The following XKR4 variants were observed in gnomAD, a reference collection of about 807,000 sequenced individuals.
XKR4 encodes XK related 4.
XKR4 carries 12 observed loss-of-function variants against 53.9 expected under a neutral mutation model. That is an observed-to-expected ratio of 0.22 (90% CI 0.14 to 0.36). The LOEUF is 0.36. Ranked by LOEUF, XKR4 falls within the 10% of genes least tolerant of loss-of-function variation. The pLI, the probability that XKR4 is intolerant of heterozygous loss-of-function variation, is 1.00. For synonymous variants in XKR4, 354 were observed against 362.4 expected (o/e 0.98, Z 0.26); for missense variants, 799 against 859.5 (o/e 0.93, Z 0.88).
intron 2 of XKR4, among the ~76,000 whole-genome samples, chr8:55,362,136 A>G (rs1803916834): frequency 6.6e-6 from 1 of 152,186 alleles, no homozygotes; most frequent in East Asian, 1.9e-4. Context: ...CCCATTGCAT[A>G]GGGCTTCTTA....
intron 1 of XKR4, among the ~76,000 whole-genome samples, chr8:55,257,826 G>C (rs1392840025): frequency 1.3e-5 from 2 of 152,126 alleles, no homozygotes; most frequent in Non-Finnish European, 2.9e-5. Flanking sequence ...TTTTCTATGA[G>C]CCCCTCCAAC....
intron 1 of XKR4, among the ~76,000 whole-genome samples, chr8:55,339,859 G>GT (rs747137049): frequency 1.3e-4 from 19 of 150,990 alleles, no homozygotes; most frequent in Non-Finnish European, 2.4e-4. Context: ...TTACTATTAT[G>GT]TTTTTTCCAA....
intron 2 of XKR4, among the ~76,000 whole-genome samples, chr8:55,406,226 A>G (rs1804679826): frequency 6.6e-6 from 1 of 152,188 alleles, no homozygotes; most frequent in Non-Finnish European, 1.5e-5. Flanking sequence ...GTTGATCTAT[A>G]TGGTGCAGTT....
chr8:55,418,037 T>C (rs909438604), intron 2 of XKR4, among the ~76,000 whole-genome samples: 1 of 152,064 alleles, frequency 6.6e-6, no homozygotes, highest in Non-Finnish European at 1.5e-5. Flanking sequence ...AACAACACAG[T>C]GAGGGTGGAG....
intron 2 of XKR4, among the ~76,000 whole-genome samples, chr8:55,506,226 G>A (rs1806525228): frequency 6.6e-6 from 1 of 152,254 alleles, no homozygotes; most frequent in Non-Finnish European, 1.5e-5. Context: ...GGGCATCTGG[G>A]AGGACTTAGG....
chr8:55,415,980 A>G (rs1374686246), intron 2 of XKR4, among the ~76,000 whole-genome samples: 2 of 152,174 alleles, frequency 1.3e-5, no homozygotes, highest in Non-Finnish European at 2.9e-5. Context: ...GGAACGGCAG[A>G]GTTGAAGCTA....
At chr8:55,503,828 G>A (rs1304890473) in intron 2 of XKR4, among the ~76,000 whole-genome samples, 1 of 151,976 alleles carries the variant, frequency 6.6e-6, no homozygotes, top group African/African-American at 2.4e-5. Context: ...TATTTTTTTA[G>A]CTGTGGGCTT....
Position 55,532,794 on chromosome 8 carries a change from C to T in XKR4, c.*8567C>T, listed in dbSNP as rs1198359946. 2 of 58,724 alleles carry T rather than the reference C, an allele frequency of 3.4e-5. No homozygotes were observed. Among genetic ancestry groups the T allele is most frequent in the African/African-American group, 1.0e-4 (1 of 9,938 alleles). The allele number at this position is 58,724 out of a possible 1,614,324, so 3.6% of individuals were successfully genotyped here. ...CCTGGGTGACAGAGCAAGACTCCGT[C>T]TCAAAAAAAAAAAAAAAAAAAAAAA... is the stretch of plus-strand genomic sequence containing the variant. On this transcript the variant is annotated 3_prime_UTR_variant, in exon 3 of 3. Transcript: ENST00000327381.
At chr8:55,356,343 G>T (rs1803796312) in intron 1 of XKR4, among the ~76,000 whole-genome samples, 1 of 152,158 alleles carries the variant, frequency 6.6e-6, no homozygotes, top group Admixed American at 6.5e-5. Context: ...TTACCCATTT[G>T]CAGAAAACAC....
intron 2 of XKR4, among the ~76,000 whole-genome samples, chr8:55,408,451 G>T (rs1187292126): frequency 1.3e-5 from 2 of 152,192 alleles, no homozygotes; most frequent in Non-Finnish European, 2.9e-5. Flanking sequence ...CATATCTCAA[G>T]ATGTGGCCCA....
At chr8:55,310,494 G>A (rs746939149) in intron 1 of XKR4, among the ~76,000 whole-genome samples, 35 of 152,150 alleles carry the variant, frequency 2.3e-4, no homozygotes, top group Non-Finnish European at 3.4e-4. Flanking sequence ...GTTTACTATT[G>A]TGTTTAAAAT....
At chr8:55,365,675 C>A (rs1803970160) in intron 2 of XKR4, among the ~76,000 whole-genome samples, 2 of 147,742 alleles carry the variant, frequency 1.4e-5, no homozygotes, top group Admixed American at 1.4e-4. Flanking sequence ...CCATTGCACT[C>A]CAGCCTGGGC....
chr8:55,512,600 T>A (rs1215073719), intron 2 of XKR4, among the ~76,000 whole-genome samples: 1 of 152,232 alleles, frequency 6.6e-6, no homozygotes, highest in Admixed American at 6.5e-5. Context: ...GATTTTTCAG[T>A]TCCTCTAGGG....
chr8:55,463,755 A>C (rs1429838616), intron 2 of XKR4, among the ~76,000 whole-genome samples: 1 of 152,130 alleles, frequency 6.6e-6, no homozygotes, highest in Non-Finnish European at 1.5e-5. Context: ...GAAAAGAGAG[A>C]AGAATCAAAT....
At chr8:55,103,443 T>G in intron 1 of XKR4, 149 bp downstream of exon 1, 2 of 1,402,610 alleles carry the variant, frequency 1.4e-6, no homozygotes, top group Middle Eastern at 2.3e-4. Flanking sequence ...AACTGGGGCT[T>G]GCATTTTTAA....
intron 1 of XKR4, among the ~76,000 whole-genome samples, chr8:55,178,827 C>G (rs1817268593): frequency 6.6e-6 from 1 of 152,232 alleles, no homozygotes; most frequent in African/African-American, 2.4e-5. Context: ...GCTTATACGT[C>G]CTATCTTGCT....
intron 1 of XKR4, among the ~76,000 whole-genome samples, chr8:55,356,086 G>A (rs996619581): frequency 1.3e-5 from 2 of 152,178 alleles, no homozygotes; most frequent in Non-Finnish European, 2.9e-5. Flanking sequence ...CTACCAGACA[G>A]CAAGCTCCAG....
rs374389416 is a variant in XKR4 at position 55,465,139 on chromosome 8, T to G, written c.1007-58142T>G. ...TTCACAGAATTGGAAAAAACTACTTTAAAGTTCATATGGAACCAAAAAGAA... is the reference window on the plus strand; with the variant it reads ...TTCACAGAATTGGAAAAAACTACTTGAAAGTTCATATGGAACCAAAAAGAA... On this transcript the variant is annotated intron_variant, in intron 2 of 2. Transcript: ENST00000327381. Among the ~76,000 whole-genome samples, 52 of 152,254 alleles carry G rather than the reference T, an allele frequency of 3.4e-4. No individual in the cohort carries two copies. In the East Asian group the frequency reaches 7.9e-3, roughly 23 times the overall value.
intron 1 of XKR4, among the ~76,000 whole-genome samples, chr8:55,300,168 G>A (rs745644670): frequency 6.6e-6 from 1 of 152,146 alleles, no homozygotes; most frequent in Non-Finnish European, 1.5e-5. Flanking sequence ...CAGGGGTGCA[G>A]GAAAGGCATT....
Sources: allele counts gnomAD v4.1 joint callset (sites outside exome capture counted in the v4.1 genomes callset), GRCh38; gene constraint gnomAD v4.1.1; transcripts MANE v1.5; gene names NCBI Gene and HGNC (gene_info 2026-07-23, HGNC 2026-07-21).